Variants in SLC13A5 observed in about 807,000 individuals in gnomAD.
The protein encoded by SLC13A5 is solute carrier family 13 member 5.
In SLC13A5, 25 loss-of-function variants were observed where a neutral mutation model predicts 56.5. That is an observed-to-expected ratio of 0.44 (90% CI 0.32 to 0.62). SLC13A5 has a LOEUF of 0.62. SLC13A5 is among the 20% of genes least tolerant of loss of function. The pLI, the probability that SLC13A5 is intolerant of heterozygous loss-of-function variation, is 0.04. For synonymous variants in SLC13A5, 307 were observed against 301.5 expected, an observed-to-expected ratio of 1.02 and a Z score of -0.19; for missense variants, 649 against 737.8, an observed-to-expected ratio of 0.88 and a Z score of 1.39.
chr17:6,699,197 A>G (rs954110955), intron 6 of SLC13A5, among the ~76,000 whole-genome samples: 3 of 152,168 alleles, frequency 2.0e-5, no homozygotes, highest in Admixed American at 2.0e-4. Flanking sequence ...TTGCCCCATG[A>G]GGAGACACAG....
Position 6,687,388 on chromosome 17 carries a change from A to G in SLC13A5, c.1575+141T>C, listed in dbSNP as rs574797150. ...AAGAAAAGCTGCATTATAAATGTCA[A>G]CAATGGCTACAGGTCTGGATGTTCC... On this transcript the variant is annotated intron_variant, in intron 11 of 11. Coordinates refer to ENST00000433363, the MANE Select transcript of SLC13A5 (RefSeq NM_177550.5). The surrounding 1 kb of genome is among the most constrained non-coding windows in gnomAD (Gnocchi z 5.0). 1 of 1,122,736 alleles carries G rather than the reference A, an allele frequency of 8.9e-7. No homozygotes were observed. The highest frequency in any genetic ancestry group is 1.3e-6 in the Non-Finnish European group (1 of 771,956). 69.5% of individuals were successfully genotyped at this position (1,122,736 alleles called of 1,614,324 possible).
At chr17:6,693,194 C>T in intron 8 of SLC13A5, 32 bp from the exon 9 acceptor site, 1 of 736,262 alleles carries the variant, frequency 1.4e-6, no homozygotes, top group Non-Finnish European at 2.1e-6. Context: ...CACACACACA[C>T]ACACACACAC....
intron 7 of SLC13A5, chr17:6,695,516 A>G (rs760383609): frequency 2.0e-6 from 1 of 502,822 alleles, no homozygotes; most frequent in Non-Finnish European, 3.6e-6. Flanking sequence ...CAGTCTCCCA[A>G]GTAGCTGGGA....
chr17:6,703,449 C>T (rs1334443057), intron 4 of SLC13A5, among the ~76,000 whole-genome samples: 1 of 152,190 alleles, frequency 6.6e-6, no homozygotes, highest in Non-Finnish European at 1.5e-5. Flanking sequence ...GAGCTTCGCA[C>T]CTAGCAGGGA....
intron 6 of SLC13A5, among the ~76,000 whole-genome samples, chr17:6,696,159 A>C (rs544412757): frequency 7.9e-5 from 12 of 152,284 alleles, no homozygotes; most frequent in Admixed American, 7.2e-4. Flanking sequence ...GAGAGGCTAG[A>C]GGGTCTCGGC....
intron 10 of SLC13A5, among the ~76,000 whole-genome samples, chr17:6,690,402 G>C (rs1057328077): frequency 2.6e-5 from 4 of 152,168 alleles, no homozygotes; most frequent in African/African-American, 9.7e-5. Flanking sequence ...TCCAGCCAGT[G>C]GTGCTCCCAG....
At chr17:6,693,559 T>G (rs1303927148) in intron 8 of SLC13A5, 1 of 161,264 alleles carries the variant, frequency 6.2e-6, no homozygotes, top group Non-Finnish European at 1.3e-5. Flanking sequence ...TTTATGAAAA[T>G]AAAAAATTCA....
intron 3 of SLC13A5, 48 bp from the exon 4 acceptor site, chr17:6,704,104 C>A: frequency 1.3e-6 from 2 of 1,567,892 alleles, no homozygotes; most frequent in East Asian, 2.3e-5. Context: ...CCACCCCACC[C>A]CCGTACTCCC....
chr17:6,705,271 C>A (rs2095214962), intron 3 of SLC13A5: 1 of 152,158 alleles, frequency 6.6e-6, no homozygotes, highest in African/African-American at 2.4e-5. Context: ...CTCAAGGCAC[C>A]AAGGGTGCCT....
chr17:6,694,681 G>T (rs1181857241), intron 7 of SLC13A5, among the ~76,000 whole-genome samples: 2 of 152,124 alleles, frequency 1.3e-5, no homozygotes, highest in African/African-American at 4.8e-5. Flanking sequence ...CCACACTCTT[G>T]ACCACCAACT....
At chr17:6,706,939 CCCCCAGG>C in intron 2 of SLC13A5, 82 bp downstream of exon 2, 1 of 1,583,560 alleles carries the variant, frequency 6.3e-7, no homozygotes, top group Non-Finnish European at 8.6e-7. Context: ...TTTCCGGTCA[CCCCCAGG>C]CCTGTGCGAC....
In SLC13A5 at chr17:6,687,607, G is replaced by C. The variant is rs949451311; in HGVS notation, c.1497C>G (p.Ser499=). The change falls in exon 11 of 12, where the codon TCC becomes TCG. Residue 499 remains serine (S), a synonymous_variant. Coordinates refer to ENST00000433363, the MANE Select transcript of SLC13A5 (RefSeq NM_177550.5). The surrounding 1 kb of genome is among the most constrained non-coding windows in gnomAD (Gnocchi z 5.0). ...YIMLPCTLSA[S]FAFMLPVATP... ...TGGCCACAGGCAACATGAAGGCAAA[G>C]GAGGCACTCAGGGTACAGGGCAGCA... 6.2e-7 allele frequency: 1 copy of C among 1,613,936 alleles called. No individual in the cohort carries two copies.
chr17:6,695,935 T>C lies in SLC13A5; in HGVS notation c.846A>G (p.Lys282=). ...TCTCTAGCCCGCAGCCCCAGGACTT[T>C]TTAAAACTGGAGAATGCAAAGATGA... is the stretch of plus-strand genomic sequence containing the variant. The part of the protein sequence containing the change: ...LQFVYMRFNF[K]KSWGCGLESK... Residue 282 remains lysine, a synonymous_variant, in exon 7 of 12, where the codon AAA becomes AAG. Coordinates refer to ENST00000433363, the MANE Select transcript of SLC13A5 (RefSeq NM_177550.5). The C allele has an allele frequency of 1.9e-6, 3 of 1,613,712 alleles. No homozygotes were observed. Among genetic ancestry groups the C allele is most frequent in the Non-Finnish European group, 2.5e-6 (3 of 1,179,934 alleles).
intron 2 of SLC13A5, 37 bp from the exon 3 acceptor site, chr17:6,706,815 C>T: frequency 7.5e-6 from 12 of 1,610,408 alleles, no homozygotes; most frequent in Non-Finnish European, 1.0e-5. Context: ...AGGACTGTCC[C>T]TTGCCACACA....
At position 6,686,112 on chromosome 17, in the gene SLC13A5, T is replaced by C; in HGVS notation, c.*95A>G. ...GTGTGTGGACATCGTTGGGTCATTTTGGGGTGTGAACCCCAAAACTCTGTA... is the reference window on the plus strand; with the variant it reads ...GTGTGTGGACATCGTTGGGTCATTTCGGGGTGTGAACCCCAAAACTCTGTA... On this transcript the variant is annotated 3_prime_UTR_variant, in exon 12 of 12. Transcript: ENST00000433363. 6.4e-7 allele frequency: 1 copy of C among 1,558,472 alleles called. No individual in the cohort carries two copies. Among genetic ancestry groups the C allele is most frequent in the Non-Finnish European group, 8.7e-7 (1 of 1,146,646 alleles).
chr17:6,706,924 A>C, intron 2 of SLC13A5, 104 bp downstream of exon 2: 2 of 1,562,722 alleles, frequency 1.3e-6, no homozygotes, highest in Admixed American at 1.8e-5. Flanking sequence ...TCCACAAATG[A>C]GGGTTTTCCG....
Position 6,694,092 on chromosome 17 carries a change from C to T in SLC13A5, c.1156+5G>A, listed in dbSNP as rs1597661022. On this transcript the variant is annotated splice_donor_5th_base_variant and intron_variant, in intron 8 of 11. Coordinates refer to ENST00000433363, the MANE Select transcript of SLC13A5 (RefSeq NM_177550.5). ...ATGACTGGGCGATCAGAACAGGAGA[C>T]TTACCTTCCTCAGTCTGGCTGCGGA... The T allele has an allele frequency of 6.2e-7, 1 of 1,606,182 alleles. No individual in the cohort carries two copies. Among genetic ancestry groups the T allele is most frequent in the East Asian group, 2.2e-5 (1 of 44,794 alleles).
chr17:6,693,265 A>T, intron 8 of SLC13A5, 103 bp from the exon 9 acceptor site: 1 of 755,562 alleles, frequency 1.3e-6, no homozygotes, highest in Non-Finnish European at 2.1e-6. Context: ...AAATCTAATC[A>T]AGGGGGAATA....
At position 6,711,820 on chromosome 17, in the gene SLC13A5, G is replaced by T. The variant is rs1052953898; in HGVS notation, c.102+1412C>A. On this transcript the variant is annotated intron_variant, in intron 1 of 11. Transcript: ENST00000433363. This position sits in a 1 kb window ranked among gnomAD's most constrained non-coding sequence, Gnocchi z 4.0. ...CCCTACCAGCAGAGCTGAAATCGCA[G>T]CTCTCCTGCCTGGCTACTTCCCCTG... is the stretch of plus-strand genomic sequence containing the variant. Among the ~76,000 whole-genome samples the T allele has an allele frequency of 2.0e-5, 3 of 152,016 alleles. No homozygotes were observed. Among genetic ancestry groups the T allele is most frequent in the African/African-American group, 7.3e-5 (3 of 41,328 alleles).
Sources: gnomAD v4.1 joint callset for allele counts (sites outside exome capture counted in the v4.1 genomes callset) on GRCh38, gnomAD v4.1.1 for gene constraint, Gnocchi (gnomAD v3.1) non-coding constraint, MANE v1.5 for transcripts, NCBI Gene and HGNC (gene_info 2026-07-23, HGNC 2026-07-21) for gene names.